Variants in NPLOC4 observed in about 807,000 individuals in gnomAD.
NPLOC4 encodes NPL4 homolog, ubiquitin recognition factor, also known as nuclear protein localization protein 4 homolog.
Under a neutral mutation model 80.6 loss-of-function variants are expected in NPLOC4, and 18 were observed. The ratio of observed to expected loss-of-function variants is 0.22; its 90% CI spans 0.15 to 0.33. The LOEUF is 0.33. Ranked by LOEUF, NPLOC4 falls within the 10% of genes least tolerant of loss-of-function variation. NPLOC4 has a pLI of 1.00. For missense variants in NPLOC4, 540 were observed against 786.1 expected (o/e 0.69, Z 3.74); for synonymous variants, 313 against 301.5 (o/e 1.04, Z -0.39).
rs991004247 is a variant in NPLOC4 at position 81,559,091 on chromosome 17, A to C, written c.*168T>G. On this transcript the variant is annotated 3_prime_UTR_variant, in exon 17 of 17. Coordinates refer to ENST00000331134, the MANE Select transcript of NPLOC4 (RefSeq NM_017921.4). ...CAGCCGTGGCGCCCGCTCTCCAGGG[A>C]GGAACGTGCTGAGAAGCTTCAGTGG... is the stretch of plus-strand genomic sequence containing the variant. 3.2e-5 allele frequency: 23 copies of C among 708,274 alleles called. No homozygotes were observed. Among genetic ancestry groups the C allele is most frequent in the Non-Finnish European group, 5.0e-5 (22 of 441,660 alleles). The allele number at this position is 708,274 out of a possible 1,614,324, so 43.9% of individuals were successfully genotyped here. A position where few individuals can be genotyped will look rare whatever the true frequency, so the allele number is the denominator to read the frequency against.
intron 15 of NPLOC4, chr17:81,566,337 A>G (rs1232567117): frequency 6.6e-6 from 1 of 152,256 alleles, no homozygotes; most frequent in African/African-American, 2.4e-5. Context: ...GTCTTAAAAA[A>G]AAATAATTCA....
At position 81,565,293 on chromosome 17, in the gene NPLOC4, T is replaced by C. The variant is rs1274231596; in HGVS notation, c.1669+212A>G. 5.7e-6 allele frequency: 4 copies of C among 702,124 alleles called. No homozygotes were observed. The East Asian group carries it at 1.1e-4, about 19-fold the overall frequency. The allele number at this position is 702,124 out of a possible 1,614,324, so 43.5% of individuals were successfully genotyped here. A position where few individuals can be genotyped will look rare whatever the true frequency, so the allele number is the denominator to read the frequency against. On this transcript the variant is annotated intron_variant, in intron 16 of 16. Transcript: ENST00000331134. ...TTTACAGGGCTGTGTACCTAAGACGTACGGCCTGGACAACATGTCTGCTCC... is the reference window on the plus strand; with the variant it reads ...TTTACAGGGCTGTGTACCTAAGACGCACGGCCTGGACAACATGTCTGCTCC...
chr17:81,625,620 A>G (rs908854734), intron 2 of NPLOC4, among the ~76,000 whole-genome samples: 3 of 152,156 alleles, frequency 2.0e-5, no homozygotes, highest in Admixed American at 6.6e-5. Flanking sequence ...GGTCCCAGCA[A>G]CTCGGAAGGC....
intron 12 of NPLOC4, among the ~76,000 whole-genome samples, chr17:81,587,528 G>A (rs1196429087): frequency 6.7e-6 from 1 of 148,910 alleles, no homozygotes; most frequent in African/African-American, 2.5e-5. Context: ...TGTTAGCCAG[G>A]ATGGTCTCGA....
At position 81,603,324 on chromosome 17, in the gene NPLOC4, AGT is replaced by A. The variant is rs2035118045; in HGVS notation, c.834+1222_834+1223del. On this transcript the variant is annotated intron_variant, in intron 8 of 16. Coordinates refer to ENST00000331134, the MANE Select transcript of NPLOC4 (RefSeq NM_017921.4). ...TTTAAAAATATTTCTGGCTGGGCAC[AGT>A]GGCTCCTACCTGTAATCTCAACACT... 3.9e-5 allele frequency among the ~76,000 whole-genome samples: 6 copies of A among 152,234 alleles called. No individual in the cohort carries two copies. In the South Asian group the frequency reaches 1.2e-3, roughly 32 times the overall value.
chr17:81,620,366 C>T (rs978191692), intron 3 of NPLOC4, among the ~76,000 whole-genome samples: 2 of 151,838 alleles, frequency 1.3e-5, no homozygotes, highest in East Asian at 1.9e-4. Context: ...CATGGTGGCA[C>T]GAGCCTATAG....
At chr17:81,576,019 T>C (rs1240387516) in intron 12 of NPLOC4, among the ~76,000 whole-genome samples, 3 of 152,228 alleles carry the variant, frequency 2.0e-5, no homozygotes, top group Non-Finnish European at 4.4e-5. Context: ...TACAGGGCTA[T>C]AGCAAACAGA....
chr17:81,575,454 C>G (rs996120455), intron 12 of NPLOC4, among the ~76,000 whole-genome samples: 1 of 152,166 alleles, frequency 6.6e-6, no homozygotes, highest in Non-Finnish European at 1.5e-5. Flanking sequence ...CCGTGTGCAA[C>G]GACTGGATGC....
chr17:81,583,087 G>GA (rs2034488395), intron 12 of NPLOC4, among the ~76,000 whole-genome samples: 1 of 152,290 alleles, frequency 6.6e-6, no homozygotes. Context: ...TTCATGGCTG[G>GA]AAAGTTATTT....
intron 3 of NPLOC4, among the ~76,000 whole-genome samples, chr17:81,615,408 T>C (rs1337778949): frequency 6.6e-6 from 1 of 152,146 alleles, no homozygotes; most frequent in Non-Finnish European, 1.5e-5. Context: ...CCGAGACGTC[T>C]GTTTCTAATA....
chr17:81,563,884 A>T (rs954872762), intron 16 of NPLOC4: 1 of 453,698 alleles, frequency 2.2e-6, no homozygotes. Flanking sequence ...ACATGTTTTC[A>T]TTTATAAGTG....
At chr17:81,579,303 G>C (rs1274989630) in intron 12 of NPLOC4, among the ~76,000 whole-genome samples, 4 of 152,220 alleles carry the variant, frequency 2.6e-5, no homozygotes, top group Non-Finnish European at 4.4e-5. Flanking sequence ...GCTTGAACCA[G>C]GGAGGCGGAG....
At chr17:81,571,800 A>C (rs2034167471) in intron 13 of NPLOC4, among the ~76,000 whole-genome samples, 1 of 152,168 alleles carries the variant, frequency 6.6e-6, no homozygotes, top group South Asian at 2.1e-4. Flanking sequence ...CCTGAGACTA[A>C]AACAAAAAGC....
At chr17:81,636,374 A>C (rs2036072378) in intron 1 of NPLOC4, 1 of 152,352 alleles carries the variant, frequency 6.6e-6, no homozygotes, top group Non-Finnish European at 1.5e-5. Context: ...CAAAGCCGGC[A>C]AGTTACTGTG....
intron 13 of NPLOC4, among the ~76,000 whole-genome samples, chr17:81,571,476 C>T (rs531227939): frequency 1.3e-5 from 2 of 152,226 alleles, no homozygotes; most frequent in East Asian, 1.9e-4. Context: ...CAGTAAACCA[C>T]GCTGAGCCCT....
intron 10 of NPLOC4, 28 bp downstream of exon 10, chr17:81,597,217 C>A: frequency 6.3e-7 from 1 of 1,590,086 alleles, no homozygotes; most frequent in Non-Finnish European, 8.6e-7. Flanking sequence ...GCCATAGGGC[C>A]ACACGCACAG....
At chr17:81,591,598 C>T (rs373789943) in intron 11 of NPLOC4, among the ~76,000 whole-genome samples, 5 of 152,038 alleles carry the variant, frequency 3.3e-5, no homozygotes, top group South Asian at 2.1e-4. Context: ...TTATAAACAG[C>T]AAAATTGGCC....
At chr17:81,613,083 AT>A in intron 4 of NPLOC4, 1 of 416,656 alleles carries the variant, frequency 2.4e-6, no homozygotes, top group Non-Finnish European at 4.2e-6. Flanking sequence ...ATGCTTCAAA[AT>A]TTTTTATGGG....
At chr17:81,622,837 C>T (rs1367925359) in intron 2 of NPLOC4, among the ~76,000 whole-genome samples, 1 of 152,124 alleles carries the variant, frequency 6.6e-6, no homozygotes, top group African/African-American at 2.4e-5. Context: ...AGGCGTGAGC[C>T]ACCATGCATG....
Sources: allele counts gnomAD v4.1 joint callset (sites outside exome capture counted in the v4.1 genomes callset), GRCh38; gene constraint gnomAD v4.1.1; transcripts MANE v1.5; gene names NCBI Gene and HGNC (gene_info 2026-07-23, HGNC 2026-07-21).